The following C1orf105 variants were observed in gnomAD, a reference collection of about 807,000 sequenced individuals.
The protein encoded by C1orf105 is uncharacterized protein C1orf105.
In C1orf105, 17 loss-of-function variants were observed where a neutral mutation model predicts 20.8. That is an observed-to-expected ratio of 0.82 (90% CI 0.56 to 1.23). C1orf105 has a LOEUF of 1.23. Among genes scored for constraint, C1orf105 ranks in the 50% most tolerant of loss-of-function variants. The probability of loss-of-function intolerance (pLI) is 0.00; values close to 1 mark genes in which losing one functional copy is unlikely to be tolerated. For missense variants in C1orf105, 219 were observed against 213.5 expected, an observed-to-expected ratio of 1.03 and a Z score of -0.16; for synonymous variants, 72 against 72.1, an observed-to-expected ratio of 1.00 and a Z score of 0.01.
intron 3 of C1orf105, among the ~76,000 whole-genome samples, chr1:172,454,805 G>A (rs1050323426): frequency 6.6e-6 from 1 of 151,974 alleles, no homozygotes; most frequent in Non-Finnish European, 1.5e-5. Context: ...TATTTCTGTT[G>A]TAGCACCTTC....
At chr1:172,421,659 C>CA (rs553244524) in intron 1 of C1orf105, among the ~76,000 whole-genome samples, 3 of 152,136 alleles carry the variant, frequency 2.0e-5, no homozygotes, top group Non-Finnish European at 2.9e-5. Context: ...ACTATCTACA[C>CA]AAAAAAGCAC....
chr1:172,453,269 CTG>C lies in C1orf105; in HGVS notation c.199-3144_199-3143del, dbSNP rs1165793296. 2.1e-6 allele frequency: 3 copies of C among 1,437,978 alleles called. No homozygotes were observed. The African/African-American group carries it at 4.3e-5, about 21-fold the overall frequency. The allele number at this position is 1,437,978 out of a possible 1,614,324, so 89.1% of individuals were successfully genotyped here. A position where few individuals can be genotyped will look rare whatever the true frequency, so the allele number is the denominator to read the frequency against. On this transcript the variant is annotated intron_variant, in intron 3 of 6. Transcript: ENST00000367727. The stretch of plus-strand genomic sequence containing the variant: ...AGGGACAGGATTAGAGCATCCGCCT[CTG>C]TCTTTTTGAACACAAAGACCATTAT...
intron 2 of C1orf105, among the ~76,000 whole-genome samples, chr1:172,445,913 G>A (rs568962038): frequency 3.3e-5 from 5 of 152,126 alleles, no homozygotes; most frequent in Admixed American, 6.5e-5. Context: ...CTTGGCATTC[G>A]AAACAGCTCG....
intron 1 of C1orf105, among the ~76,000 whole-genome samples, chr1:172,435,444 C>T (rs1472776462): frequency 9.2e-5 from 14 of 152,036 alleles, no homozygotes; most frequent in East Asian, 3.9e-4. Flanking sequence ...GTTCAACATA[C>T]GCAAATCAAT....
chr1:172,432,465 G>A (rs961467677), intron 1 of C1orf105, among the ~76,000 whole-genome samples: 17 of 152,332 alleles, frequency 1.1e-4, no homozygotes, highest in African/African-American at 4.1e-4. Context: ...GTGATAACCA[G>A]GCAAACAGGG....
intron 1 of C1orf105, among the ~76,000 whole-genome samples, chr1:172,439,611 A>T (rs1418414730): frequency 6.6e-6 from 1 of 152,174 alleles, no homozygotes; most frequent in Admixed American, 6.5e-5. Flanking sequence ...GACAGGGAAA[A>T]GCTGAAAATG....
chr1:172,453,600 T>G (rs1648905057), intron 3 of C1orf105, among the ~76,000 whole-genome samples: 1 of 152,216 alleles, frequency 6.6e-6, no homozygotes, highest in African/African-American at 2.4e-5. Context: ...TGCCCAATGT[T>G]TGTTGAATAC....
At chr1:172,441,697 G>C in intron 1 of C1orf105, 1 of 1,500,318 alleles carries the variant, frequency 6.7e-7, no homozygotes, top group Non-Finnish European at 8.9e-7. Flanking sequence ...TAATCTATCA[G>C]CTTGCTTTAA....
At chr1:172,453,154 CT>C in intron 3 of C1orf105, 1 of 1,551,070 alleles carries the variant, frequency 6.4e-7, no homozygotes, top group East Asian at 2.4e-5. Context: ...AGCAGCTCTT[CT>C]TGGAGGCCAG....
chr1:172,440,018 T>A (rs548505174), intron 1 of C1orf105, among the ~76,000 whole-genome samples: 2 of 152,188 alleles, frequency 1.3e-5, no homozygotes, highest in African/African-American at 4.8e-5. Context: ...AACCACCAAT[T>A]TTTTTTATCA....
intron 1 of C1orf105, among the ~76,000 whole-genome samples, chr1:172,433,650 T>C (rs2071941875): frequency 1.3e-5 from 2 of 152,202 alleles, no homozygotes; most frequent in Non-Finnish European, 2.9e-5. Flanking sequence ...TGCGAAAATA[T>C]GCCAAATTGT....
intron 1 of C1orf105, among the ~76,000 whole-genome samples, chr1:172,425,081 T>C (rs938876485): frequency 3.3e-5 from 5 of 152,240 alleles, no homozygotes; most frequent in African/African-American, 9.6e-5. Context: ...GGTCAAAGAA[T>C]TACAGAGCTA....
intron 3 of C1orf105, among the ~76,000 whole-genome samples, chr1:172,450,618 C>T (rs568892658): frequency 1.3e-5 from 2 of 152,356 alleles, no homozygotes; most frequent in South Asian, 4.1e-4. Context: ...AGACCCCGGA[C>T]CCTGTGCAGA....
intron 1 of C1orf105, chr1:172,442,315 A>C: frequency 6.2e-7 from 1 of 1,613,396 alleles, no homozygotes; most frequent in Non-Finnish European, 8.5e-7. Context: ...ACCTCCATCA[A>C]TGAGATCAAA....
At chr1:172,458,114 A>C (rs1330209559) in intron 4 of C1orf105, among the ~76,000 whole-genome samples, 1 of 152,200 alleles carries the variant, frequency 6.6e-6, no homozygotes, top group Non-Finnish European at 1.5e-5. Flanking sequence ...ACTAACAGCT[A>C]ACACCCTACT....
At chr1:172,425,943 T>C (rs1241123797) in intron 1 of C1orf105, among the ~76,000 whole-genome samples, 2 of 151,880 alleles carry the variant, frequency 1.3e-5, no homozygotes, top group African/African-American at 4.8e-5. Context: ...CTTATGTCAT[T>C]AACCTTTTAT....
intron 3 of C1orf105, among the ~76,000 whole-genome samples, chr1:172,452,165 C>T (rs967808003): frequency 1.3e-5 from 2 of 152,100 alleles, no homozygotes; most frequent in South Asian, 2.1e-4. Flanking sequence ...GCCACCATGC[C>T]TGGCCTTTAT....
chr1:172,427,267 A>C (rs2071746966), intron 1 of C1orf105, among the ~76,000 whole-genome samples: 1 of 152,162 alleles, frequency 6.6e-6, no homozygotes, highest in Non-Finnish European at 1.5e-5. Context: ...CTGTCTTCTC[A>C]CTTGTTCCCA....
chr1:172,442,323 A>T, intron 1 of C1orf105: 1 of 1,613,330 alleles, frequency 6.2e-7, no homozygotes, highest in Non-Finnish European at 8.5e-7. Context: ...CAATGAGATC[A>T]AACAAAACAT....
Sources: allele counts gnomAD v4.1 joint callset (sites outside exome capture counted in the v4.1 genomes callset), GRCh38; gene constraint gnomAD v4.1.1; transcripts MANE v1.5; gene names NCBI Gene and HGNC (gene_info 2026-07-23, HGNC 2026-07-21).